Variants in ATF7IP observed in about 807,000 individuals in gnomAD.
ATF7IP encodes the protein activating transcription factor 7 interacting protein.
In ATF7IP, 23 loss-of-function variants were observed where a neutral mutation model predicts 106.4. That is an observed-to-expected ratio of 0.22 (90% CI 0.16 to 0.31). The LOEUF is 0.31. Among genes scored for constraint, ATF7IP ranks in the 10% least tolerant of loss-of-function variants. The pLI is 1.00. For missense variants in ATF7IP, 1,334 were observed against 1,524.3 expected (o/e 0.88, Z 2.08); for synonymous variants, 542 against 539.0 (o/e 1.01, Z -0.08).
intron 2 of ATF7IP, among the ~76,000 whole-genome samples, chr12:14,432,141 G>A (rs548854532): frequency 6.6e-6 from 1 of 152,220 alleles, no homozygotes; most frequent in South Asian, 2.1e-4. Context: ...ACCATAGCAG[G>A]CCAGTTTATT....
intron 1 of ATF7IP, among the ~76,000 whole-genome samples, chr12:14,411,863 G>A (rs1321564468): frequency 6.6e-6 from 1 of 151,038 alleles, no homozygotes; most frequent in Non-Finnish European, 1.5e-5. Context: ...ACCATTGCCT[G>A]TTCCAAATTT....
intron 10 of ATF7IP, among the ~76,000 whole-genome samples, chr12:14,469,036 G>A (rs1419483486): frequency 1.3e-5 from 2 of 152,066 alleles, no homozygotes; most frequent in African/African-American, 4.8e-5. Context: ...CTACTTAGTT[G>A]TACTTGTTAA....
chr12:14,437,253 T>C (rs942616617), intron 4 of ATF7IP, among the ~76,000 whole-genome samples: 8 of 152,194 alleles, frequency 5.3e-5, no homozygotes, highest in African/African-American at 1.9e-4. Context: ...GTCTTATATA[T>C]TTAAGGATGA....
intron 1 of ATF7IP, among the ~76,000 whole-genome samples, chr12:14,380,729 C>G (rs1473820415): frequency 6.6e-6 from 1 of 152,202 alleles, no homozygotes; most frequent in African/African-American, 2.4e-5. Flanking sequence ...AAGGGATTCT[C>G]CTGTCTCAGC....
At chr12:14,430,162 G>T (rs956349162) in intron 2 of ATF7IP, among the ~76,000 whole-genome samples, 1 of 152,170 alleles carries the variant, frequency 6.6e-6, no homozygotes, top group Non-Finnish European at 1.5e-5. Context: ...GGAAGAAAAT[G>T]GAGAGATTTT....
In ATF7IP at chr12:14,501,150, T is replaced by C. The variant is rs1213907724; in HGVS notation, c.*3077T>C. 3.9e-5 allele frequency: 6 copies of C among 152,220 alleles called. No individual in the cohort carries two copies. Among genetic ancestry groups the C allele is most frequent in the African/African-American group, 1.4e-4 (6 of 41,458 alleles). The allele number at this position is 152,220 out of a possible 1,614,324, so 9.4% of individuals were successfully genotyped here. On this transcript the variant is annotated 3_prime_UTR_variant, in exon 15 of 15. Coordinates refer to ENST00000261168, the MANE Select transcript of ATF7IP (RefSeq NM_018179.5). ...GGACTTAAGTAGAAGTAGCTACTGATAACAGACTTTCTAGTAGCAGTTTCC... is the reference window on the plus strand; with the variant it reads ...GGACTTAAGTAGAAGTAGCTACTGACAACAGACTTTCTAGTAGCAGTTTCC...
rs368662684 is a variant in ATF7IP at position 14,425,463 on chromosome 12, G to A, written c.1548G>A (p.Thr516=). ...DESEVISQNE[T]CSPAEVESNE... Reference sequence around the variant, plus strand: ...CTGAAGTTATATCGCAAAATGAAACGTGCTCTCCAGGTTAGCATATAACTT... The same window carrying A: ...CTGAAGTTATATCGCAAAATGAAACATGCTCTCCAGGTTAGCATATAACTT... Residue 516 remains threonine (T), a synonymous_variant, in exon 2 of 15, where the codon ACG becomes ACA. Transcript: ENST00000261168. 6.5e-6 allele frequency: 10 copies of A among 1,549,550 alleles called. No individual in the cohort carries two copies. The Admixed American group carries it at 1.7e-4, about 27-fold the overall frequency.
intron 1 of ATF7IP, among the ~76,000 whole-genome samples, chr12:14,400,389 G>A (rs1447922536): frequency 6.6e-6 from 1 of 152,090 alleles, no homozygotes; most frequent in East Asian, 1.9e-4. Context: ...CATGAAGACA[G>A]ACTTTGTTAT....
intron 13 of ATF7IP, among the ~76,000 whole-genome samples, chr12:14,494,275 A>G (rs992872427): frequency 1.4e-4 from 17 of 122,692 alleles, no homozygotes; most frequent in African/African-American, 5.2e-4. Context: ...AGGGGGACAG[A>G]GCTAATAGAA....
chr12:14,417,837 A>G (rs1420186325), intron 1 of ATF7IP, among the ~76,000 whole-genome samples: 1 of 152,272 alleles, frequency 6.6e-6, no homozygotes, highest in South Asian at 2.1e-4. Flanking sequence ...TTGTTTAACT[A>G]TGTTTTTCTG....
At chr12:14,456,682 ACTTT>A (rs767186056) in intron 7 of ATF7IP, 48 bp downstream of exon 7, 69 of 1,334,786 alleles carry the variant, frequency 5.2e-5, no homozygotes, top group Middle Eastern at 3.6e-4. Flanking sequence ...ACAAAGTTCT[ACTTT>A]CTTTATTTGG....
intron 8 of ATF7IP, among the ~76,000 whole-genome samples, chr12:14,459,428 G>T (rs545356318): frequency 6.6e-6 from 1 of 152,322 alleles, no homozygotes; most frequent in South Asian, 2.1e-4. Context: ...GTATCATGGG[G>T]ATTCTTAAGT....
chr12:14,494,331 A>ATG (rs1207326378), intron 13 of ATF7IP, among the ~76,000 whole-genome samples: 215 of 90,498 alleles, frequency 2.4e-3, no homozygotes, highest in Non-Finnish European at 3.7e-3. Flanking sequence ...ATATATATAT[A>ATG]TATGTGTGTG....
intron 1 of ATF7IP, among the ~76,000 whole-genome samples, chr12:14,391,172 A>G (rs1258130929): frequency 6.6e-6 from 1 of 152,238 alleles, no homozygotes; most frequent in Non-Finnish European, 1.5e-5. Flanking sequence ...TGTTGGTGAT[A>G]TGTAACAGTC....
chr12:14,371,773 G>T (rs1487531495), intron 1 of ATF7IP, among the ~76,000 whole-genome samples: 2 of 152,042 alleles, frequency 1.3e-5, no homozygotes, highest in Non-Finnish European at 2.9e-5. Context: ...ACCTATTTCA[G>T]AAGGGAAATG....
chr12:14,418,369 ATCT>A (rs1449326350), intron 1 of ATF7IP, among the ~76,000 whole-genome samples: 4 of 152,336 alleles, frequency 2.6e-5, no homozygotes, highest in Admixed American at 1.3e-4. Context: ...CATGGCAGAC[ATCT>A]TCTGCCGTAA....
intron 6 of ATF7IP, among the ~76,000 whole-genome samples, chr12:14,451,194 T>G (rs897153312): frequency 1.3e-5 from 2 of 152,166 alleles, no homozygotes; most frequent in African/African-American, 4.8e-5. Context: ...AATTGTTCAT[T>G]GTAGTCTCTT....
At chr12:14,416,966 C>T (rs888863223) in intron 1 of ATF7IP, 4 of 984,218 alleles carry the variant, frequency 4.1e-6, no homozygotes, top group African/African-American at 3.5e-5. Flanking sequence ...TGAAAAATTA[C>T]AAGGTTCATC....
intron 9 of ATF7IP, among the ~76,000 whole-genome samples, chr12:14,465,005 C>T (rs1943776327): frequency 6.6e-6 from 1 of 152,118 alleles, no homozygotes; most frequent in African/African-American, 2.4e-5. Flanking sequence ...CACTTGAGGC[C>T]AGAAGATTGA....
Sources: allele counts gnomAD v4.1 joint callset (sites outside exome capture counted in the v4.1 genomes callset), GRCh38; gene constraint gnomAD v4.1.1; transcripts MANE v1.5; gene names NCBI Gene and HGNC (gene_info 2026-07-23, HGNC 2026-07-21).